The following LARP4 variants were observed in gnomAD, a reference collection of about 807,000 sequenced individuals.
The protein encoded by LARP4 is La ribonucleoprotein 4.
A neutral mutation model predicts 92.9 loss-of-function variants in LARP4; 29 were observed. The observed-to-expected ratio is 0.31, with a 90% CI of 0.23 to 0.43. The LOEUF is 0.43. Ranked by LOEUF, LARP4 falls within the 20% of genes least tolerant of loss-of-function variation. LARP4 has a pLI of 1.00. For synonymous variants in LARP4, 279 were observed against 284.1 expected (o/e 0.98, Z 0.18); for missense variants, 732 against 860.0 (o/e 0.85, Z 1.86).
At position 50,454,724 on chromosome 12, in the gene LARP4, A is replaced by T. The variant is rs150946757; in HGVS notation, c.1121+307A>T. On this transcript the variant is annotated intron_variant, in intron 10 of 15. Transcript: ENST00000398473. ...GACTAATTTCCATTTAGTATGTTAA[A>T]TGGGTAGCATTTTAGAGAATGAATT... 2.0e-3 allele frequency: 467 copies of T among 230,538 alleles called. 2 individuals carry two copies. The highest frequency in any genetic ancestry group is 0.013 in the East Asian group (151 of 11,458). The allele number at this position is 230,538 out of a possible 1,614,324, so 14.3% of individuals were successfully genotyped here. A position where few individuals can be genotyped will look rare whatever the true frequency, so the allele number is the denominator to read the frequency against.
chr12:50,442,981 C>T (rs912171775), intron 8 of LARP4, among the ~76,000 whole-genome samples: 4 of 152,120 alleles, frequency 2.6e-5, no homozygotes, highest in Non-Finnish European at 5.9e-5. Context: ...TTTTATCTTT[C>T]CCTGCTTTGA....
chr12:50,429,132 A>G (rs145708801), intron 3 of LARP4, 42 bp downstream of exon 3: 1 of 1,439,182 alleles, frequency 6.9e-7, no homozygotes, highest in Admixed American at 1.8e-5. Context: ...AATTCAGTAC[A>G]GGACACCCCC....
rs1949030507 is a variant in LARP4, at chr12:50,427,878, A to G, written c.135A>G (p.Glu45=). 4 of 1,598,994 alleles carry G rather than the reference A, an allele frequency of 2.5e-6. No individual in the cohort carries two copies. In the South Asian group the frequency reaches 3.4e-5, roughly 14 times the overall value. ...VTHGTESSWH[E]IAATSGAHPE... ...ATGGAACTGAAAGCTCTTGGCATGA[A>G]ATAGCAGCTACATCAGGTGCTCATC... The change falls in exon 2 of 16, where the codon GAA becomes GAG. Residue 45 remains glutamate, a synonymous_variant. Transcript: ENST00000398473.
Position 50,407,395 on chromosome 12 carries a change from G to C in LARP4, c.18+6367G>C, listed in dbSNP as rs867274018. On this transcript the variant is annotated intron_variant, in intron 1 of 15. Transcript: ENST00000398473. ...ACTTCTAAGTTTTCATCTCAGCCTT[G>C]TTACTAACATACTCTGATTTAGGGC... 3.3e-5 allele frequency among the ~76,000 whole-genome samples: 5 copies of C among 152,096 alleles called. No individual in the cohort carries two copies. The South Asian group carries it at 8.3e-4, about 25-fold the overall frequency.
chr12:50,421,261 A>G, intron 1 of LARP4: 2 of 984,518 alleles, frequency 2.0e-6, no homozygotes, highest in Non-Finnish European at 2.4e-6. Flanking sequence ...CTTTTAACGT[A>G]CTGTAATATG....
intron 4 of LARP4, among the ~76,000 whole-genome samples, chr12:50,432,585 C>T (rs968889777): frequency 6.6e-5 from 10 of 151,954 alleles, no homozygotes; most frequent in African/African-American, 1.5e-4. Context: ...CTTGGCCTGG[C>T]GCAGTGGCTC....
chr12:50,473,935 G>A, intron 14 of LARP4, 64 bp from the exon 15 acceptor site: 1 of 1,394,746 alleles, frequency 7.2e-7, no homozygotes, highest in Admixed American at 2.0e-5. Context: ...GTTTTCTTCT[G>A]ATTAGTTGCT....
intron 8 of LARP4, 150 bp from the exon 9 acceptor site, chr12:50,453,310 A>G (rs1282773208): frequency 1.9e-6 from 1 of 528,832 alleles, no homozygotes; most frequent in African/African-American, 1.9e-5. Flanking sequence ...TTAATTAATT[A>G]AAGCTGTCAT....
At chr12:50,441,536 C>G (rs1313022791) in intron 7 of LARP4, 54 bp from the exon 8 acceptor site, 1 of 1,283,862 alleles carries the variant, frequency 7.8e-7, no homozygotes, top group East Asian at 2.3e-5. Context: ...ATAAAGATAA[C>G]TTTACTGAAA....
intron 1 of LARP4, 172 bp downstream of exon 1, chr12:50,401,200 A>G: frequency 2.7e-6 from 2 of 731,540 alleles, no homozygotes; most frequent in Non-Finnish European, 4.9e-6. Context: ...CGCGCTCACA[A>G]CACTCTAGGA....
intron 8 of LARP4, among the ~76,000 whole-genome samples, chr12:50,444,794 A>G (rs7965165): frequency 0.71 from 107,946 of 152,170 alleles, 44,414 homozygotes; most frequent in Non-Finnish European, 0.93. Flanking sequence ...TGTGATTTCT[A>G]TGCCTGAAAA....
At chr12:50,469,269 C>G (rs145489315) in intron 13 of LARP4, among the ~76,000 whole-genome samples, 2 of 152,078 alleles carry the variant, frequency 1.3e-5, no homozygotes, top group East Asian at 3.9e-4. Context: ...TTTTTTCCCC[C>G]CATGTTTTAT....
At chr12:50,401,412 C>T in intron 1 of LARP4, 1 of 215,420 alleles carries the variant, frequency 4.6e-6, no homozygotes, top group Non-Finnish European at 9.3e-6. Flanking sequence ...CGAGCGCGGC[C>T]TCGCGGGGCC....
At chr12:50,405,157 C>T (rs1944576647) in intron 1 of LARP4, among the ~76,000 whole-genome samples, 1 of 152,028 alleles carries the variant, frequency 6.6e-6, no homozygotes, top group South Asian at 2.1e-4. Context: ...CCTTGGCCTC[C>T]TAAAGTGCTG....
intron 6 of LARP4, among the ~76,000 whole-genome samples, chr12:50,438,278 C>CGTGA (rs1950716712): frequency 6.6e-6 from 1 of 151,680 alleles, no homozygotes; most frequent in Admixed American, 6.6e-5. Context: ...GCAGGCGGAT[C>CGTGA]GTGAGGTCAG....
At position 50,428,959 on chromosome 12, in the gene LARP4, T is replaced by A. The variant is rs541317273; in HGVS notation, c.191T>A (p.Ile64Lys). 1.3e-6 allele frequency: 2 copies of A among 1,599,418 alleles called. No homozygotes were observed. The highest frequency in any genetic ancestry group is 2.3e-5 in the South Asian group (2 of 88,268). ...PEGNAELSEDICKEYEVMYSS... is the reference protein window; with the variant it reads ...PEGNAELSEDKCKEYEVMYSS... The stretch of plus-strand genomic sequence containing the variant: ...GGTAATGCAGAGCTCTCAGAAGATA[T>A]ATGTAAAGAATATGAAGTAATGTAT... The change falls in exon 3 of 16, where the codon ATA becomes AAA. Residue 64 changes from isoleucine to lysine, a missense_variant. Around this residue, in one of 7 missense-constraint regions of LARP4, gnomAD observed 236 missense variants for 307.6 expected, o/e 0.77. Coordinates refer to ENST00000398473, the MANE Select transcript of LARP4 (RefSeq NM_052879.5).
In LARP4 at chr12:50,435,509, T is replaced by C; in HGVS notation, c.420T>C (p.Leu140=). The change falls in exon 5 of 16, where the codon CTT becomes CTC. Residue 140 remains leucine, a synonymous_variant. Transcript: ENST00000398473. ...TCAGAGAAAATTTGTCAAAGGATCT[T>C]TACTTGATATCTCAAATGGATAGTG... is the stretch of plus-strand genomic sequence containing the variant. ...CFSRENLSKD[L]YLISQMDSDQ... 6.4e-7 allele frequency: 1 copy of C among 1,560,232 alleles called. No individual in the cohort carries two copies. Among genetic ancestry groups the C allele is most frequent in the Non-Finnish European group, 8.8e-7 (1 of 1,136,224 alleles).
At position 50,457,830 on chromosome 12, in the gene LARP4, C is replaced by A. The variant is rs924496160; in HGVS notation, c.1122-3305C>A. Among the ~76,000 whole-genome samples the A allele has an allele frequency of 2.0e-4, 26 of 129,046 alleles. 1 individual carries two copies. The highest frequency in any genetic ancestry group is 3.3e-4 in the Non-Finnish European group (19 of 56,770). 84.7% of individuals were successfully genotyped at this position (129,046 alleles called of 152,430 possible). ...CCTTTCTCAAAAAAAAAAAAAATTA[C>A]TTTTTGTTAAGTGACATACTATTTT... On this transcript the variant is annotated intron_variant, in intron 10 of 15. Coordinates refer to ENST00000398473, the MANE Select transcript of LARP4 (RefSeq NM_052879.5).
chr12:50,418,731 T>C (rs1387753438), intron 1 of LARP4, among the ~76,000 whole-genome samples: 1 of 152,146 alleles, frequency 6.6e-6, no homozygotes, highest in Non-Finnish European at 1.5e-5. Context: ...CATTTTGTTT[T>C]GTTTTTTGAG....
Sources: gnomAD v4.1 joint callset for allele counts (sites outside exome capture counted in the v4.1 genomes callset) on GRCh38, gnomAD v4.1.1 for gene constraint, gnomAD v4.1.1 regional missense constraint, MANE v1.5 for transcripts, NCBI Gene and HGNC (gene_info 2026-07-23, HGNC 2026-07-21) for gene names.